Variants in RASAL2 observed in about 807,000 individuals in gnomAD.
RASAL2 encodes RAS protein activator like 2, also known as ras GTPase-activating protein nGAP.
A neutral mutation model predicts 128.9 loss-of-function variants in RASAL2; 58 were observed. The observed-to-expected ratio is 0.45, with a 90% confidence interval of 0.36 to 0.56. The LOEUF (loss-of-function observed/expected upper bound fraction) is 0.56, where lower values mean the gene tolerates loss of function less well. Ranked by LOEUF, RASAL2 falls within the 20% of genes least tolerant of loss-of-function variation. The pLI, the probability that RASAL2 is intolerant of heterozygous loss-of-function variation, is 0.00. For synonymous variants in RASAL2, 561 were observed against 580.8 expected (o/e 0.97, Z 0.49); for missense variants, 1,360 against 1,601.6 (o/e 0.85, Z 2.57).
intron 1 of RASAL2, among the ~76,000 whole-genome samples, chr1:178,171,597 A>G (rs1661707649): frequency 6.6e-6 from 1 of 152,032 alleles, no homozygotes; most frequent in South Asian, 2.1e-4. Context: ...TATAGAGAAT[A>G]GGTTATAAAT....
In RASAL2 at chr1:178,474,425, T is replaced by C. The variant is rs904708720; in HGVS notation, c.*1186T>C. 1.3e-5 allele frequency: 2 copies of C among 152,130 alleles called. No individual in the cohort carries two copies. The highest frequency in any genetic ancestry group is 2.9e-5 in the Non-Finnish European group (2 of 68,012). 9.4% of individuals were successfully genotyped at this position (152,130 alleles called of 1,614,324 possible). A position where few individuals can be genotyped will look rare whatever the true frequency, so the allele number is the denominator to read the frequency against. On this transcript the variant is annotated 3_prime_UTR_variant, in exon 18 of 18. Coordinates refer to ENST00000367649, the MANE Select transcript of RASAL2 (RefSeq NM_170692.4). ...CTCAATAAAGAAAGGAAATCCAAAT[T>C]TGAAGCATCACTCTCTTAAAAGAAA...
intron 5 of RASAL2, among the ~76,000 whole-genome samples, chr1:178,432,716 A>C (rs1429336126): frequency 6.6e-6 from 1 of 151,902 alleles, no homozygotes; most frequent in African/African-American, 2.4e-5. Flanking sequence ...CCTCTCCCCA[A>C]TTCCTCCAGC....
At chr1:178,454,720 C>T (rs902938767) in intron 12 of RASAL2, 72 bp downstream of exon 12, 1 of 1,327,408 alleles carries the variant, frequency 7.5e-7, no homozygotes, top group Non-Finnish European at 1.1e-6. Flanking sequence ...AGAGTGATAG[C>T]ACTCACTCTT....
chr1:178,218,682 G>A (rs1018328155), intron 1 of RASAL2, among the ~76,000 whole-genome samples: 7 of 152,154 alleles, frequency 4.6e-5, no homozygotes, highest in Admixed American at 2.0e-4. Context: ...GCGAGACTCC[G>A]TCTCAAAAAA....
rs1413093596 is a variant in RASAL2 at position 178,287,866 on chromosome 1, A to T, written c.330+4175A>T. Among the ~76,000 whole-genome samples the T allele has an allele frequency of 3.3e-5, 5 of 152,182 alleles. No individual in the cohort carries two copies. The South Asian group carries it at 8.3e-4, about 25-fold the overall frequency. On this transcript the variant is annotated intron_variant, in intron 2 of 17. Coordinates refer to ENST00000367649, the MANE Select transcript of RASAL2 (RefSeq NM_170692.4). Reference sequence around the variant, plus strand: ...AGAGAAGTGAGGGATAAAAGACTGCATATTGGGTACCATGCACACTGCTCA... The same window carrying T: ...AGAGAAGTGAGGGATAAAAGACTGCTTATTGGGTACCATGCACACTGCTCA...
At chr1:178,393,254 A>G (rs1673016992) in intron 4 of RASAL2, among the ~76,000 whole-genome samples, 1 of 152,284 alleles carries the variant, frequency 6.6e-6, no homozygotes, top group Admixed American at 6.5e-5. Flanking sequence ...ATTAGGTTGT[A>G]ATATATAATG....
At chr1:178,204,418 G>A (rs1009510506) in intron 1 of RASAL2, among the ~76,000 whole-genome samples, 2 of 152,172 alleles carry the variant, frequency 1.3e-5, no homozygotes, top group African/African-American at 2.4e-5. Context: ...CACTAAGTAA[G>A]TGAAGCCTTA....
chr1:178,103,950 G>T lies in RASAL2; in HGVS notation c.202+9256G>T, dbSNP rs533314423. On this transcript the variant is annotated intron_variant, in intron 1 of 17. Transcript: ENST00000367649. ...AATGGGCTTTCCTGGGAGTTCTCTG[G>T]ACCTTTATTTTGTAACCTCAGAATA... Among the ~76,000 whole-genome samples the T allele has an allele frequency of 4.6e-5, 7 of 152,006 alleles. No individual in the cohort carries two copies. The East Asian group carries it at 1.4e-3, about 29-fold the overall frequency.
At chr1:178,273,308 G>T (rs1666347442) in intron 1 of RASAL2, among the ~76,000 whole-genome samples, 1 of 152,206 alleles carries the variant, frequency 6.6e-6, no homozygotes, top group Middle Eastern at 3.2e-3. Context: ...TGTACTGTGT[G>T]TATGACTTTT....
intron 1 of RASAL2, among the ~76,000 whole-genome samples, chr1:178,131,104 T>G (rs1035862211): frequency 6.6e-6 from 1 of 151,746 alleles, no homozygotes; most frequent in Non-Finnish European, 1.5e-5. Context: ...ACATGTGTTA[T>G]TGTTAGGTTA....
chr1:178,119,995 A>G (rs528848530), intron 1 of RASAL2, among the ~76,000 whole-genome samples: 40 of 152,360 alleles, frequency 2.6e-4, no homozygotes, highest in African/African-American at 9.4e-4. Flanking sequence ...CAATGCCGTT[A>G]GCTACTAAGA....
intron 1 of RASAL2, among the ~76,000 whole-genome samples, chr1:178,161,884 G>A (rs961568119): frequency 2.6e-5 from 4 of 151,980 alleles, no homozygotes; most frequent in Non-Finnish European, 5.9e-5. Flanking sequence ...CTTCTTTGAA[G>A]AAATGTCTAT....
intron 1 of RASAL2, among the ~76,000 whole-genome samples, chr1:178,254,726 G>C (rs1246510700): frequency 6.6e-6 from 1 of 152,134 alleles, no homozygotes; most frequent in African/African-American, 2.4e-5. Context: ...AGAAGGAGAG[G>C]AGAGAGAGAA....
intron 1 of RASAL2, among the ~76,000 whole-genome samples, chr1:178,142,825 CT>C (rs911712641): frequency 6.6e-6 from 1 of 152,024 alleles, no homozygotes; most frequent in African/African-American, 2.4e-5. Context: ...CCTCTTGGGC[CT>C]TTTCTGTCCT....
chr1:178,308,125 T>G (rs988582980), intron 3 of RASAL2, among the ~76,000 whole-genome samples: 3 of 152,128 alleles, frequency 2.0e-5, no homozygotes, highest in Non-Finnish European at 2.9e-5. Context: ...ACTGTGCCTG[T>G]GATAGTAAAT....
intron 3 of RASAL2, among the ~76,000 whole-genome samples, chr1:178,341,863 A>G (rs1306663258): frequency 6.6e-6 from 1 of 152,210 alleles, no homozygotes; most frequent in Non-Finnish European, 1.5e-5. Flanking sequence ...TGACCATAGC[A>G]AAATATTAAC....
At chr1:178,368,855 A>G (rs1671551027) in intron 3 of RASAL2, among the ~76,000 whole-genome samples, 1 of 152,004 alleles carries the variant, frequency 6.6e-6, no homozygotes, top group South Asian at 2.1e-4. Flanking sequence ...CCATGGTGTT[A>G]TCAAACTCCT....
At chr1:178,459,779 G>A (rs1678045254) in intron 14 of RASAL2, among the ~76,000 whole-genome samples, 1 of 152,108 alleles carries the variant, frequency 6.6e-6, no homozygotes, top group Admixed American at 6.5e-5. Flanking sequence ...ATTTTTTACT[G>A]AGTAATAAAG....
At chr1:178,129,899 G>A (rs1017259628) in intron 1 of RASAL2, among the ~76,000 whole-genome samples, 14 of 152,072 alleles carry the variant, frequency 9.2e-5, no homozygotes, top group African/African-American at 2.4e-4. Flanking sequence ...ATGTATGCAC[G>A]TGAAAACATG....
Sources: allele counts gnomAD v4.1 joint callset (sites outside exome capture counted in the v4.1 genomes callset), GRCh38; gene constraint gnomAD v4.1.1; transcripts MANE v1.5; gene names NCBI Gene and HGNC (gene_info 2026-07-23, HGNC 2026-07-21).